TTI1: variants seen among roughly 807,000 people sequenced by gnomAD.
TTI1 encodes TELO2 interacting protein 1.
In TTI1, 52 loss-of-function variants were observed where a neutral mutation model predicts 85.4. That is an observed-to-expected ratio of 0.61 (90% CI 0.49 to 0.77). The LOEUF (loss-of-function observed/expected upper bound fraction) is 0.77, where lower values mean the gene tolerates loss of function less well. Ranked by LOEUF, TTI1 falls within the 30% of genes least tolerant of loss-of-function variation. The pLI, the probability that TTI1 is intolerant of heterozygous loss-of-function variation, is 0.00. For missense variants in TTI1, 1,173 were observed against 1,296.0 expected (o/e 0.91, Z 1.46); for synonymous variants, 512 against 503.9 (o/e 1.02, Z -0.22).
At position 38,006,252 on chromosome 20, in the gene TTI1, G is replaced by T; in HGVS notation, c.2448C>A (p.Tyr816Ter). 6.2e-7 allele frequency: 1 copy of T among 1,614,152 alleles called. No homozygotes were observed. The highest frequency in any genetic ancestry group is 8.5e-7 in the Non-Finnish European group (1 of 1,180,020). Reference sequence around the variant, plus strand: ...CATCTGCCACATCCTTCTCTTTGAGGTAGTTCAGCAAAAACTGTTCGATGT... The same window carrying T: ...CATCTGCCACATCCTTCTCTTTGAGTTAGTTCAGCAAAAACTGTTCGATGT... The part of the protein sequence containing the change: ...AEDIEQFLLN[Y>*]LKEKDVADGN... The change falls in exon 3 of 8, where the codon TAC (tyrosine) becomes TAA (stop). Residue 816 changes from tyrosine (Y) to a stop codon, truncating the protein, a stop_gained. Coordinates refer to ENST00000373447, the MANE Select transcript of TTI1 (RefSeq NM_001303457.2). LOFTEE classifies it high-confidence loss of function.
chr20:37,983,442 G>T lies in TTI1; in HGVS notation c.*14C>A. 3 of 1,607,820 alleles carry T rather than the reference G, an allele frequency of 1.9e-6. No homozygotes were observed. The highest frequency in any genetic ancestry group is 2.5e-6 in the Non-Finnish European group (3 of 1,178,758). On this transcript the variant is annotated 3_prime_UTR_variant, in exon 8 of 8. Transcript: ENST00000373447. ...AGGGGAGGGATCGGTGGCCTCTGTGGTGGGGGAGCAGGGTCACTGCAGCTC... is the reference window on the plus strand; with the variant it reads ...AGGGGAGGGATCGGTGGCCTCTGTGTTGGGGGAGCAGGGTCACTGCAGCTC...
At chr20:37,996,546 C>T (rs530186648) in intron 6 of TTI1, 84 bp from the exon 7 acceptor site, 3 of 1,522,936 alleles carry the variant, frequency 2.0e-6, no homozygotes, top group East Asian at 4.5e-5. Context: ...GGAGAAACTG[C>T]AACAGCTAGG....
In TTI1 at chr20:38,024,177, C is replaced by G. The variant is rs563314005; in HGVS notation, c.-42+9227G>C. ...ATACAAATGACCTCCTGCCCTCCCC[C>G]GATTTATGACCTGGCACTGGAAACT... On this transcript the variant is annotated intron_variant, in intron 1 of 7. Coordinates refer to ENST00000373447, the MANE Select transcript of TTI1 (RefSeq NM_001303457.2). Among the ~76,000 whole-genome samples the G allele has an allele frequency of 2.6e-5, 4 of 152,076 alleles. No homozygotes were observed. The South Asian group carries it at 8.3e-4, about 32-fold the overall frequency.
At chr20:38,026,888 T>C (rs1015418847) in intron 1 of TTI1, among the ~76,000 whole-genome samples, 1 of 152,226 alleles carries the variant, frequency 6.6e-6, no homozygotes, top group South Asian at 2.1e-4. Context: ...GACATTTATA[T>C]GATAAATGGG....
chr20:38,023,886 A>G (rs939034373), intron 1 of TTI1, among the ~76,000 whole-genome samples: 13 of 152,222 alleles, frequency 8.5e-5, no homozygotes, highest in Non-Finnish European at 1.6e-4. Flanking sequence ...AGAGGCTAAC[A>G]CTGTAAGGGA....
intron 7 of TTI1, among the ~76,000 whole-genome samples, chr20:37,986,744 C>A (rs1215839456): frequency 1.3e-5 from 2 of 152,224 alleles, no homozygotes; most frequent in East Asian, 1.9e-4. Context: ...TCCTTCTTTT[C>A]TTCCAGAAAG....
intron 1 of TTI1, among the ~76,000 whole-genome samples, chr20:38,027,311 AATGTT>A (rs1233565882): frequency 6.6e-6 from 1 of 152,192 alleles, no homozygotes; most frequent in Non-Finnish European, 1.5e-5. Flanking sequence ...ACACAATGCA[AATGTT>A]ATGTAAACAG....
intron 1 of TTI1, among the ~76,000 whole-genome samples, chr20:38,021,276 C>T (rs2073767977): frequency 6.6e-6 from 1 of 152,206 alleles, no homozygotes; most frequent in Non-Finnish European, 1.5e-5. Context: ...CACATTGCTA[C>T]TTTGACATGA....
rs532025069 is a variant in TTI1 at position 38,003,243 on chromosome 20, A to G, written c.2504-467T>C. On this transcript the variant is annotated intron_variant, in intron 3 of 7. Coordinates refer to ENST00000373447, the MANE Select transcript of TTI1 (RefSeq NM_001303457.2). ...CTCTCATAGTGCTGGGATTACAGGT[A>G]TGAGCCACTACACCAGGCTAAGCAT... 3.4e-3 allele frequency among the ~76,000 whole-genome samples: 525 copies of G among 152,342 alleles called. 9 individuals carry two copies. The Middle Eastern group carries it at 0.054, about 16-fold the overall frequency.
intron 5 of TTI1, 65 bp from the exon 6 acceptor site, chr20:37,997,018 C>A: frequency 6.5e-7 from 1 of 1,538,152 alleles, no homozygotes; most frequent in Non-Finnish European, 8.8e-7. Flanking sequence ...CTAAAGAATG[C>A]TTGGTAATTC....
intron 1 of TTI1, among the ~76,000 whole-genome samples, chr20:38,016,427 C>T (rs999859649): frequency 3.9e-5 from 6 of 152,166 alleles, no homozygotes; most frequent in Admixed American, 6.5e-5. Context: ...ACTTGGGGTC[C>T]GCCCCCTGAC....
chr20:38,027,068 T>C (rs2073845722), intron 1 of TTI1, among the ~76,000 whole-genome samples: 1 of 152,044 alleles, frequency 6.6e-6, no homozygotes, highest in South Asian at 2.1e-4. Flanking sequence ...AACATTCAAG[T>C]AACCCACAGG....
At chr20:37,990,669 G>A (rs535747127) in intron 7 of TTI1, among the ~76,000 whole-genome samples, 5 of 152,276 alleles carry the variant, frequency 3.3e-5, no homozygotes, top group African/African-American at 1.2e-4. Context: ...TGAGGTGTTC[G>A]AGAGGGATGA....
chr20:38,001,184 A>G (rs1038467433), intron 4 of TTI1, among the ~76,000 whole-genome samples: 13 of 152,118 alleles, frequency 8.5e-5, no homozygotes, highest in African/African-American at 2.9e-4. Flanking sequence ...AGTCCTCAAT[A>G]AGCATTTAGC....
rs1003798846 is a variant in TTI1 at position 38,013,739 on chromosome 20, T to G, written c.78A>C (p.Thr26=). ...TCTGCAGATGCTCCACATTCTCCAC[T>G]GTCTGGGTCTTTGTGAGCTGAACAC... ...PVCVQLTKTQ[T]VENVEHLQTR... is the part of the protein sequence containing the mutation. The change falls in exon 2 of 8, where the codon ACA becomes ACC. Residue 26 remains threonine (T), a synonymous_variant. Coordinates refer to ENST00000373447, the MANE Select transcript of TTI1 (RefSeq NM_001303457.2). 5 of 1,614,186 alleles carry G rather than the reference T, an allele frequency of 3.1e-6. No individual in the cohort carries two copies. The Admixed American group carries it at 8.3e-5, about 27-fold the overall frequency.
intron 2 of TTI1, among the ~76,000 whole-genome samples, chr20:38,010,255 T>TACA (rs992202866): frequency 6.6e-6 from 1 of 152,202 alleles, no homozygotes; most frequent in African/African-American, 2.4e-5. Flanking sequence ...GAATGTTTCT[T>TACA]ACAAGGTCTT....
At chr20:38,002,887 C>T in intron 3 of TTI1, 111 bp from the exon 4 acceptor site, 1 of 1,436,158 alleles carries the variant, frequency 7.0e-7, no homozygotes, top group Non-Finnish European at 9.6e-7. Context: ...TACAGCAGCA[C>T]AAATGGACTG....
At chr20:38,029,855 C>A (rs905015808) in intron 1 of TTI1, among the ~76,000 whole-genome samples, 1 of 152,154 alleles carries the variant, frequency 6.6e-6, no homozygotes, top group Admixed American at 6.5e-5. Context: ...GCACACTCAG[C>A]CCCCTGGCCC....
chr20:38,020,940 T>C (rs560765765), intron 1 of TTI1, among the ~76,000 whole-genome samples: 2 of 152,356 alleles, frequency 1.3e-5, no homozygotes, highest in Admixed American at 1.3e-4. Context: ...TCGTTGGCAG[T>C]ATCTATTATT....
Sources: allele counts gnomAD v4.1 joint callset (sites outside exome capture counted in the v4.1 genomes callset), GRCh38; gene constraint gnomAD v4.1.1; transcripts MANE v1.5; gene names NCBI Gene and HGNC (gene_info 2026-07-23, HGNC 2026-07-21).